CRLF2: variants seen among roughly 807,000 people sequenced by gnomAD.
CRLF2 encodes cytokine receptor-like factor 2.
Under a neutral mutation model 38.7 loss-of-function variants are expected in CRLF2, and 41 were observed. That is an observed-to-expected ratio of 1.06 (90% CI 0.83 to 1.37). CRLF2 has a LOEUF of 1.37. Ranked by LOEUF, CRLF2 falls within the 40% of genes most tolerant of loss-of-function variation. CRLF2 has a pLI of 0.00. For synonymous variants in CRLF2, 140 were observed against 128.8 expected (o/e 1.09, Z -0.59); for missense variants, 377 against 322.2 (o/e 1.17, Z -1.30).
intron 3 of CRLF2, among the ~76,000 whole-genome samples, chrX:1,202,994 A>G (rs1175799694): frequency 6.9e-6 from 1 of 145,760 alleles, no homozygotes; most frequent in Non-Finnish European, 1.5e-5. Context: ...GCTATTAGTG[A>G]GGCTGAGGCA....
chrX:1,191,297 C>CTTTCTTTCTTTCTTTCT (rs2086369692), intron 7 of CRLF2, 137 bp from the exon 8 acceptor site: 1 of 316,832 alleles, frequency 3.2e-6, no homozygotes, highest in African/African-American at 3.5e-5. Context: ...TTTCTTTTCT[C>CTTTCTTTCTTTCTTTCT]TTTCTTTCTT....
chrX:1,205,250 T>G (rs746084592), intron 3 of CRLF2, among the ~76,000 whole-genome samples: 1 of 152,328 alleles, frequency 6.6e-6, no homozygotes, highest in African/African-American at 2.4e-5. Flanking sequence ...TTCTTCCCAC[T>G]TGGAGTGAGG....
intron 5 of CRLF2, among the ~76,000 whole-genome samples, chrX:1,198,155 C>CCCAG (rs757208360): frequency 0.012 from 953 of 76,566 alleles, 3 homozygotes; most frequent in African/African-American, 0.021. Flanking sequence ...CCTCCCACCT[C>CCCAG]GAAGGCAGGA....
intron 1 of CRLF2, among the ~76,000 whole-genome samples, chrX:1,211,958 T>TG (rs1569474350): frequency 7.0e-6 from 1 of 143,852 alleles, no homozygotes; most frequent in African/African-American, 2.6e-5. Context: ...GATGGATGGA[T>TG]GATAGATGGG....
chrX:1,193,134 G>A, intron 7 of CRLF2, 84 bp downstream of exon 7: 1 of 397,258 alleles, frequency 2.5e-6, no homozygotes, highest in East Asian at 3.6e-5. Flanking sequence ...TCTCTAAAAA[G>A]GTCGCGCTCA....
chrX:1,198,317 C>T (rs779766854), intron 5 of CRLF2, among the ~76,000 whole-genome samples: 72 of 119,292 alleles, frequency 6.0e-4, no homozygotes, highest in Middle Eastern at 5.6e-3. Flanking sequence ...CCCAGGAAGG[C>T]AGGACACCCT....
rs1244532351 is a variant in CRLF2, at chrX:1,194,284, C to T, written c.768-982G>A. ...CAGCCTGGGCAACAGAGCTAGACTC[C>T]GTCTCAAAAAAAACAAAATATACAA... On this transcript the variant is annotated intron_variant, in intron 6 of 7. Coordinates refer to ENST00000400841, the MANE Select transcript of CRLF2 (RefSeq NM_022148.4). 9.6e-4 allele frequency among the ~76,000 whole-genome samples: 145 copies of T among 150,282 alleles called. 1 individual carries two copies. In the Middle Eastern group the frequency reaches 0.01, roughly 11 times the overall value.
chrX:1,210,511 C>T lies in CRLF2; in HGVS notation c.80-1603G>A, dbSNP rs182656680. Among the ~76,000 whole-genome samples, 342 of 152,122 alleles carry T rather than the reference C, an allele frequency of 2.2e-3. 1 individual carries two copies. Among genetic ancestry groups the T allele is most frequent in the Middle Eastern group, 6.8e-3 (2 of 294 alleles). On this transcript the variant is annotated intron_variant, in intron 1 of 7. Coordinates refer to ENST00000400841, the MANE Select transcript of CRLF2 (RefSeq NM_022148.4). ...TGTATTAGTACAGACGGGGTTTCAC[C>T]GTGTTAGCCAGGATGGTCTCCATCT...
At chrX:1,201,064 G>A (rs374721348) in intron 4 of CRLF2, among the ~76,000 whole-genome samples, 31 of 152,044 alleles carry the variant, frequency 2.0e-4, no homozygotes, top group East Asian at 1.2e-3. Flanking sequence ...CATACAGCAT[G>A]TTACTGTACT....
In CRLF2 at chrX:1,209,574, G is replaced by T. The variant is rs189134818; in HGVS notation, c.80-666C>A. Among the ~76,000 whole-genome samples the T allele has an allele frequency of 2.3e-3, 347 of 149,462 alleles. 3 individuals carry two copies. Among genetic ancestry groups the T allele is most frequent in the African/African-American group, 8.1e-3 (329 of 40,672 alleles). On this transcript the variant is annotated intron_variant, in intron 1 of 7. Transcript: ENST00000400841. The stretch of plus-strand genomic sequence containing the variant: ...TCTCGATCTCCTGACCTCGTGATCC[G>T]CCCGCCTCATCCACCTAAAGTGCTG...
chrX:1,199,604 A>G (rs1221783311), intron 4 of CRLF2, among the ~76,000 whole-genome samples: 1 of 152,114 alleles, frequency 6.6e-6, no homozygotes, highest in African/African-American at 2.4e-5. Context: ...TCCAGCCTGT[A>G]TCTACATATC....
intron 4 of CRLF2, among the ~76,000 whole-genome samples, chrX:1,202,163 T>C (rs1387210854): frequency 6.6e-6 from 1 of 151,962 alleles, no homozygotes; most frequent in Non-Finnish European, 1.5e-5. Context: ...GATAAATAGA[T>C]TGATAGACAG....
At chrX:1,200,006 TA>T (rs1385509368) in intron 4 of CRLF2, among the ~76,000 whole-genome samples, 1 of 151,348 alleles carries the variant, frequency 6.6e-6, no homozygotes. Flanking sequence ...TATGTGTATA[TA>T]AGCTGTGTAT....
intron 2 of CRLF2, among the ~76,000 whole-genome samples, chrX:1,208,287 C>T (rs1351311487): frequency 6.6e-6 from 1 of 151,926 alleles, no homozygotes; most frequent in East Asian, 1.9e-4. Context: ...GTCCGGATGC[C>T]GTGGCTCACG....
Position 1,208,838 on chromosome X carries a change from T to C in CRLF2, c.150A>G (p.Lys50=), listed in dbSNP as rs756564413. The change falls in exon 2 of 8, where the codon AAA becomes AAG. Residue 50 remains lysine (K), a synonymous_variant. Transcript: ENST00000400841. ...GGAAAGTCAGGTTGGTCCTGGAGTA[T>C]TTGCTGGCATTCCATGTCACCTGCA... ...ETVQVTWNAS[K]YSRTNLTFHY... is the part of the protein sequence containing the mutation. The C allele has an allele frequency of 1.2e-6, 2 of 1,612,374 alleles. No individual in the cohort carries two copies. The highest frequency in any genetic ancestry group is 2.2e-5 in the South Asian group (2 of 91,050).
intron 1 of CRLF2, among the ~76,000 whole-genome samples, chrX:1,212,049 G>A (rs1454075290): frequency 6.6e-6 from 1 of 151,566 alleles, no homozygotes. Flanking sequence ...TGGACGGATG[G>A]CTGGGTGGGT....
At chrX:1,198,035 G>T (rs1443109002) in intron 5 of CRLF2, among the ~76,000 whole-genome samples, 4 of 152,038 alleles carry the variant, frequency 2.6e-5, no homozygotes, top group Admixed American at 6.6e-5. Context: ...CCAAGTGAAA[G>T]CAGCCCGAGA....
chrX:1,194,040 G>A (rs1361541331), intron 6 of CRLF2, among the ~76,000 whole-genome samples: 11 of 150,188 alleles, frequency 7.3e-5, no homozygotes, highest in African/African-American at 1.7e-4. Flanking sequence ...CAGGAGAATC[G>A]CTTGAACCTG....
intron 4 of CRLF2, among the ~76,000 whole-genome samples, chrX:1,199,458 G>A (rs1480330991): frequency 3.3e-5 from 5 of 151,920 alleles, no homozygotes; most frequent in Non-Finnish European, 7.4e-5. Context: ...GCACCACCAT[G>A]CTTGGCTAAT....
Sources: allele counts gnomAD v4.1 joint callset (sites outside exome capture counted in the v4.1 genomes callset), GRCh38; gene constraint gnomAD v4.1.1; transcripts MANE v1.5; gene names NCBI Gene and HGNC (gene_info 2026-07-23, HGNC 2026-07-21).